TENM3: variants seen among roughly 807,000 people sequenced by gnomAD.
TENM3 encodes teneurin transmembrane protein 3, also known as teneurin-3.
Under a neutral mutation model 255.1 loss-of-function variants are expected in TENM3, and 63 were observed. The ratio of observed to expected loss-of-function variants is 0.25; its 90% CI spans 0.20 to 0.30. TENM3 has a LOEUF of 0.30. TENM3 is among the 10% of genes least tolerant of loss of function. The pLI is 1.00. For synonymous variants in TENM3, 1,306 were observed against 1,322.3 expected (o/e 0.99, Z 0.27); for missense variants, 2,929 against 3,461.1 (o/e 0.85, Z 3.86).
At chr4:182,509,937 C>CAAAAA (rs55817843) in intron 3 of TENM3, among the ~76,000 whole-genome samples, 1 of 104,866 alleles carries the variant, frequency 9.5e-6, no homozygotes, top group African/African-American at 4.0e-5. Context: ...AACTCTGTCT[C>CAAAAA]AAAAAAAAAA....
At chr4:182,418,292 T>G (rs543442145) in intron 3 of TENM3, among the ~76,000 whole-genome samples, 5 of 152,206 alleles carry the variant, frequency 3.3e-5, no homozygotes, top group Admixed American at 2.0e-4. Flanking sequence ...AGCAAGTCAG[T>G]ATAACAAGTC....
the TENM3 span, among the ~76,000 whole-genome samples, chr4:181,748,766 A>T: frequency 1.3e-5 from 2 of 152,136 alleles, no homozygotes; most frequent in Admixed American, 1.3e-4. Flanking sequence ...ATTAAGCAAT[A>T]AGACATGACA....
chr4:182,294,776 C>T (rs985996031), intron 1 of TENM3, among the ~76,000 whole-genome samples: 1 of 152,164 alleles, frequency 6.6e-6, no homozygotes, highest in Non-Finnish European at 1.5e-5. Context: ...CGTATAGACA[C>T]AAACTAAAAA....
At chr4:182,056,569 G>A in the TENM3 span, among the ~76,000 whole-genome samples, 3 of 152,136 alleles carry the variant, frequency 2.0e-5, no homozygotes, top group Non-Finnish European at 4.4e-5. Context: ...TAAAAAGACT[G>A]CAGCAACATT....
chr4:181,938,876 G>C, the TENM3 span, among the ~76,000 whole-genome samples: 1 of 152,156 alleles, frequency 6.6e-6, no homozygotes, highest in African/African-American at 2.4e-5. Flanking sequence ...TATCAATTTT[G>C]TGAAAGGGCT....
intron 1 of TENM3, among the ~76,000 whole-genome samples, chr4:182,270,713 C>T (rs151305791): frequency 7.9e-5 from 12 of 152,296 alleles, no homozygotes; most frequent in Admixed American, 2.6e-4. Context: ...GGTACACACT[C>T]AAAATTCTCA....
At chr4:181,917,514 T>C in the TENM3 span, among the ~76,000 whole-genome samples, 5 of 152,120 alleles carry the variant, frequency 3.3e-5, no homozygotes, top group South Asian at 2.1e-4. Context: ...AAGCAAGGTA[T>C]CACAGAAGCA....
chr4:182,480,003 A>G (rs190336891), intron 3 of TENM3, among the ~76,000 whole-genome samples: 1 of 152,146 alleles, frequency 6.6e-6, no homozygotes, highest in Non-Finnish European at 1.5e-5. Context: ...TTTTTTTCAC[A>G]TAATCTATTA....
At chr4:182,003,329 G>A in the TENM3 span, among the ~76,000 whole-genome samples, 2 of 152,054 alleles carry the variant, frequency 1.3e-5, no homozygotes, top group Non-Finnish European at 2.9e-5. Context: ...ATCGAAGTGT[G>A]CAACCAGTGT....
intron 1 of TENM3, among the ~76,000 whole-genome samples, chr4:182,320,809 T>C (rs561989981): frequency 8.5e-5 from 13 of 152,252 alleles, no homozygotes; most frequent in Admixed American, 7.8e-4. Flanking sequence ...AAACTTTACT[T>C]ACAAAAACAG....
chr4:182,113,172 T>A, the TENM3 span, among the ~76,000 whole-genome samples: 1 of 152,234 alleles, frequency 6.6e-6, no homozygotes, highest in Non-Finnish European at 1.5e-5. Flanking sequence ...CTGTTTTATC[T>A]GGAAGTGACT....
chr4:181,518,916 G>A, the TENM3 span, among the ~76,000 whole-genome samples: 13 of 152,126 alleles, frequency 8.5e-5, no homozygotes, highest in African/African-American at 2.2e-4. Flanking sequence ...CTAATTGCCC[G>A]TAGTACAATA....
At chr4:182,540,203 G>A (rs954831292) in intron 3 of TENM3, among the ~76,000 whole-genome samples, 1 of 152,186 alleles carries the variant, frequency 6.6e-6, no homozygotes, top group African/African-American at 2.4e-5. Flanking sequence ...TTATTATGAA[G>A]CCATGGTGGA....
chr4:182,671,680 C>A (rs1712230710), intron 6 of TENM3, among the ~76,000 whole-genome samples: 1 of 152,100 alleles, frequency 6.6e-6, no homozygotes, highest in South Asian at 2.1e-4. Flanking sequence ...AAGTCACCTA[C>A]AGTGCTGCCG....
intron 1 of TENM3, among the ~76,000 whole-genome samples, chr4:182,310,346 C>T (rs1762370439): frequency 6.6e-6 from 1 of 151,722 alleles, no homozygotes; most frequent in Non-Finnish European, 1.5e-5. Flanking sequence ...CAGGTGCGTG[C>T]CACCATACAC....
chr4:182,656,331 A>G (rs1253808993), intron 6 of TENM3, among the ~76,000 whole-genome samples: 1 of 152,142 alleles, frequency 6.6e-6, no homozygotes, highest in African/African-American at 2.4e-5. Context: ...CTTCTTTATT[A>G]TTACTTGAAT....
chr4:182,780,925 G>A (rs1302151938), intron 24 of TENM3, among the ~76,000 whole-genome samples: 1 of 151,256 alleles, frequency 6.6e-6, no homozygotes, highest in Non-Finnish European at 1.5e-5. Flanking sequence ...AGACTTTGCT[G>A]AAGTTGCTTA....
At chr4:182,543,257 G>A (rs1002486164) in intron 3 of TENM3, among the ~76,000 whole-genome samples, 1 of 152,112 alleles carries the variant, frequency 6.6e-6, no homozygotes, top group Admixed American at 6.5e-5. Flanking sequence ...GAGGGAGGAA[G>A]GGAAGTGTCT....
At chr4:181,973,767 T>C in the TENM3 span, among the ~76,000 whole-genome samples, 1 of 151,798 alleles carries the variant, frequency 6.6e-6, no homozygotes, top group South Asian at 2.1e-4. Context: ...GAGCTAAAAA[T>C]AAATATGAAT....
Sources: allele counts gnomAD v4.1 joint callset (sites outside exome capture counted in the v4.1 genomes callset), GRCh38; gene constraint gnomAD v4.1.1; transcripts MANE v1.5; gene names NCBI Gene and HGNC (gene_info 2026-07-23, HGNC 2026-07-21).